The following MOV10L1 variants were observed in gnomAD, a reference collection of about 807,000 sequenced individuals.
MOV10L1 encodes Mov10 like RNA helicase 1, also known as RNA helicase Mov10l1.
Under a neutral mutation model 143.8 loss-of-function variants are expected in MOV10L1, and 110 were observed. That is an observed-to-expected ratio of 0.76 (90% CI 0.66 to 0.90). MOV10L1 has a LOEUF of 0.90. MOV10L1 is among the 40% of genes least tolerant of loss of function. MOV10L1 has a pLI of 0.00. For synonymous variants in MOV10L1, 593 were observed against 581.1 expected, an observed-to-expected ratio of 1.02 and a Z score of -0.29; for missense variants, 1,406 against 1,526.8, an observed-to-expected ratio of 0.92 and a Z score of 1.32.
At chr22:50,093,632 C>G (rs188452957) in intron 2 of MOV10L1, 4 of 152,268 alleles carry the variant, frequency 2.6e-5, no homozygotes, top group Admixed American at 2.6e-4. Context: ...CCTCAGCCTC[C>G]TGAGTAACTG....
At chr22:50,105,726 G>A (rs2061849620) in intron 3 of MOV10L1, among the ~76,000 whole-genome samples, 1 of 152,216 alleles carries the variant, frequency 6.6e-6, no homozygotes, top group African/African-American at 2.4e-5. Context: ...TTGATTTACA[G>A]AACGGTTCCT....
chr22:50,125,659 C>T, intron 11 of MOV10L1, 90 bp downstream of exon 11: 3 of 1,254,702 alleles, frequency 2.4e-6, no homozygotes, highest in Non-Finnish European at 3.3e-6. Flanking sequence ...ATATGACAGT[C>T]ACATTATCGC....
At chr22:50,155,250 GGTT>G (rs953983535) in intron 22 of MOV10L1, among the ~76,000 whole-genome samples, 4 of 145,768 alleles carry the variant, frequency 2.7e-5, no homozygotes, top group Non-Finnish European at 6.0e-5. Flanking sequence ...CTTTTTTGGG[GGTT>G]GTTTTGTGGG....
rs770780452 is a variant in MOV10L1 at position 50,115,141 on chromosome 22, G to A, written c.1154G>A (p.Gly385Glu). ...GATTGTACCTGTAAAGGAGAAAATG[G>A]AGAAAAAGACAACATTCTATCAAGG... is the stretch of plus-strand genomic sequence containing the variant. ...PGDCTCKGEN[G>E]EKDNILSRKQ... The change falls in exon 8 of 27, where the codon GGA becomes GAA. Residue 385 changes from glycine to glutamate, a missense_variant. Coordinates refer to ENST00000262794, the MANE Select transcript of MOV10L1 (RefSeq NM_018995.3). The A allele has an allele frequency of 1.3e-6, 2 of 1,570,632 alleles. No homozygotes were observed. The highest frequency in any genetic ancestry group is 2.4e-5 in the South Asian group (2 of 82,782).
chr22:50,110,139 ACT>A (rs368354267), intron 5 of MOV10L1, among the ~76,000 whole-genome samples: 9 of 150,338 alleles, frequency 6.0e-5, no homozygotes, highest in African/African-American at 2.0e-4. Context: ...ACAGAGGAAG[ACT>A]CTGTCTCAAA....
chr22:50,102,104 AT>A lies in MOV10L1; in HGVS notation c.442+2505del, dbSNP rs2061759875. Among the ~76,000 whole-genome samples the A allele has an allele frequency of 1.3e-5, 2 of 152,156 alleles. 1 individual carries two copies. Among genetic ancestry groups the A allele is most frequent in the Admixed American group, 1.3e-4 (2 of 15,264 alleles). ...AGGGATCCGGAGCCCAGGCCAAGGG[AT>A]TTCCCAGTATAAAAAACCTCAAGTG... is the stretch of plus-strand genomic sequence containing the variant. On this transcript the variant is annotated intron_variant, in intron 3 of 26. Transcript: ENST00000262794.
chr22:50,102,327 C>T (rs1448466517), intron 3 of MOV10L1, among the ~76,000 whole-genome samples: 4 of 152,228 alleles, frequency 2.6e-5, no homozygotes, highest in Non-Finnish European at 5.9e-5. Context: ...CAAAGCTCCT[C>T]CCCACAGGAT....
chr22:50,119,880 T>A (rs1028614094), intron 9 of MOV10L1, among the ~76,000 whole-genome samples: 4 of 152,026 alleles, frequency 2.6e-5, no homozygotes, highest in African/African-American at 9.7e-5. Flanking sequence ...CCTTATTTGC[T>A]GAGTTGAGTT....
At position 50,130,940 on chromosome 22, in the gene MOV10L1, A is replaced by G. The variant is rs575969338; in HGVS notation, c.1910+2433A>G. ...GAGACGGAGTCTCGTTCTGTTACCC[A>G]GGCTGGAGTGCAGTGGCACGATCTC... On this transcript the variant is annotated intron_variant, in intron 13 of 26. Coordinates refer to ENST00000262794, the MANE Select transcript of MOV10L1 (RefSeq NM_018995.3). Among the ~76,000 whole-genome samples the G allele has an allele frequency of 8.5e-5, 13 of 152,254 alleles. No individual in the cohort carries two copies. The South Asian group carries it at 2.7e-3, about 32-fold the overall frequency.
rs867675606 is a variant in MOV10L1 at position 50,117,181 on chromosome 22, C to A, written c.1284C>A (p.Leu428=). ...GAAATCCTGGCCGCTGCAAGGAGCT[C>A]CTTTTGCTCTGTTTTTCCGATTTCC... ...DGKNPGRCKE[L]LLLCFSDFLI... is the part of the protein sequence containing the mutation. The change falls in exon 9 of 27, where the codon CTC becomes CTA. Residue 428 remains leucine (L), a synonymous_variant. Coordinates refer to ENST00000262794, the MANE Select transcript of MOV10L1 (RefSeq NM_018995.3). 1.2e-6 allele frequency: 2 copies of A among 1,609,372 alleles called. No individual in the cohort carries two copies. Among genetic ancestry groups the A allele is most frequent in the Non-Finnish European group, 1.7e-6 (2 of 1,177,994 alleles).
Position 50,090,018 on chromosome 22 carries a change from C to G in MOV10L1, c.-71C>G. 1 of 1,117,868 alleles carries G rather than the reference C, an allele frequency of 8.9e-7. No homozygotes were observed. The highest frequency in any genetic ancestry group is 1.1e-6 in the Non-Finnish European group (1 of 908,940). The allele number at this position is 1,117,868 out of a possible 1,614,324, so 69.2% of individuals were successfully genotyped here. On this transcript the variant is annotated 5_prime_UTR_variant, in exon 1 of 27. Coordinates refer to ENST00000262794, the MANE Select transcript of MOV10L1 (RefSeq NM_018995.3). ...GCGCGGCGACCCCATTGGTGGCGGG[C>G]GGCGGGAGCGGCGCGGGCGCGTGCG...
At position 50,158,415 on chromosome 22, in the gene MOV10L1, G is replaced by T; in HGVS notation, c.3216+209G>T. ...CCGGGCAGCTGCCAGCTTTTCTACG[G>T]CCAGAGCCTCGAACAGTTTTTACAT... On this transcript the variant is annotated intron_variant, in intron 23 of 26. Transcript: ENST00000262794. This position sits in a 1 kb window ranked among gnomAD's most constrained non-coding sequence, Gnocchi z 5.0. 1 of 564,362 alleles carries T rather than the reference G, an allele frequency of 1.8e-6. No homozygotes were observed. The highest frequency in any genetic ancestry group is 3.1e-6 in the Non-Finnish European group (1 of 325,204). 35.0% of individuals were successfully genotyped at this position (564,362 alleles called of 1,614,324 possible).
At position 50,152,789 on chromosome 22, in the gene MOV10L1, G is replaced by T. The variant is rs909094529; in HGVS notation, c.2893-256G>T. ...TTAAGAGGCCCCTCAGCGGCACCCAGACCCAGGAGAGGAACAGAGGGCAGC... is the reference window on the plus strand; with the variant it reads ...TTAAGAGGCCCCTCAGCGGCACCCATACCCAGGAGAGGAACAGAGGGCAGC... On this transcript the variant is annotated intron_variant, in intron 21 of 26. Transcript: ENST00000262794. This position sits in a 1 kb window ranked among gnomAD's most constrained non-coding sequence, Gnocchi z 4.4. Among the ~76,000 whole-genome samples the T allele has an allele frequency of 7.2e-5, 11 of 152,176 alleles. No homozygotes were observed. The highest frequency in any genetic ancestry group is 2.7e-4 in the African/African-American group (11 of 41,442).
intron 5 of MOV10L1, among the ~76,000 whole-genome samples, chr22:50,112,206 G>T (rs556552395): frequency 6.6e-6 from 1 of 152,230 alleles, no homozygotes; most frequent in East Asian, 1.9e-4. Flanking sequence ...GGTGCCTAGG[G>T]CCCATCCTGT....
chr22:50,145,843 C>T, intron 19 of MOV10L1, 33 bp downstream of exon 19: 1 of 1,611,614 alleles, frequency 6.2e-7, no homozygotes, highest in African/African-American at 1.3e-5. Context: ...GGCATGGGGC[C>T]TCCCAGGGCA....
At chr22:50,140,996 C>A (rs1244400677) in intron 15 of MOV10L1, among the ~76,000 whole-genome samples, 1 of 151,804 alleles carries the variant, frequency 6.6e-6, no homozygotes, top group Non-Finnish European at 1.5e-5. Context: ...CCCACTGGTT[C>A]AGGACAAATA....
chr22:50,126,900 A>G (rs1451767251), intron 12 of MOV10L1, among the ~76,000 whole-genome samples: 1 of 152,244 alleles, frequency 6.6e-6, no homozygotes, highest in Non-Finnish European at 1.5e-5. Context: ...GATCTGGAGA[A>G]GAGGCAGCTT....
At chr22:50,101,523 T>A (rs1223670501) in intron 3 of MOV10L1, among the ~76,000 whole-genome samples, 1 of 151,656 alleles carries the variant, frequency 6.6e-6, no homozygotes, top group Non-Finnish European at 1.5e-5. Flanking sequence ...GTTTTGTTTT[T>A]TTTTTCTTTG....
intron 26 of MOV10L1, 97 bp downstream of exon 26, chr22:50,161,152 C>T (rs1423774609): frequency 7.7e-7 from 1 of 1,300,052 alleles, no homozygotes; most frequent in Non-Finnish European, 1.1e-6. Flanking sequence ...CACTTACCCA[C>T]CTGCAGCCTT....
Sources: gnomAD v4.1 joint callset for allele counts (sites outside exome capture counted in the v4.1 genomes callset) on GRCh38, gnomAD v4.1.1 for gene constraint, Gnocchi (gnomAD v3.1) non-coding constraint, MANE v1.5 for transcripts, NCBI Gene and HGNC (gene_info 2026-07-23, HGNC 2026-07-21) for gene names.